ARHGAP6: variants seen among roughly 807,000 people sequenced by gnomAD.
The protein encoded by ARHGAP6 is Rho GTPase activating protein 6.
ARHGAP6 carries 16 observed loss-of-function variants against 55.7 expected under a neutral mutation model. The observed-to-expected ratio is 0.29, with a 90% CI of 0.19 to 0.44. ARHGAP6 has a LOEUF of 0.44. Among genes scored for constraint, ARHGAP6 ranks in the 20% least tolerant of loss-of-function variants. The pLI is 1.00. For missense variants in ARHGAP6, 698 were observed against 808.9 expected, an observed-to-expected ratio of 0.86 and a Z score of 1.66; for synonymous variants, 382 against 360.9, an observed-to-expected ratio of 1.06 and a Z score of -0.66.
intron 9 of ARHGAP6, among the ~76,000 whole-genome samples, chrX:11,167,744 G>A (rs2046035730): frequency 8.9e-6 from 1 of 112,056 alleles, no homozygotes; most frequent in Non-Finnish European, 1.9e-5. Flanking sequence ...AAAAAATCCA[G>A]AGAACATGAA....
At chrX:11,309,118 T>C (rs1603053821) in intron 1 of ARHGAP6, among the ~76,000 whole-genome samples, 1 of 112,059 alleles carries the variant, frequency 8.9e-6, no homozygotes, top group East Asian at 2.8e-4. Context: ...TGTTCACCTT[T>C]TCCAGATGCT....
At chrX:11,443,970 T>C (rs1444215953) in intron 1 of ARHGAP6, among the ~76,000 whole-genome samples, 1 of 111,975 alleles carries the variant, frequency 8.9e-6, no homozygotes, top group Admixed American at 9.4e-5. Context: ...AAAAAAAATA[T>C]TTCCTGGTGA....
chrX:11,632,162 T>C (rs2052368198), intron 1 of ARHGAP6, among the ~76,000 whole-genome samples: 1 of 112,626 alleles, frequency 8.9e-6, no homozygotes, highest in African/African-American at 3.2e-5. Flanking sequence ...TAGTGAAATT[T>C]GTGAATACTT....
intron 1 of ARHGAP6, among the ~76,000 whole-genome samples, chrX:11,609,355 C>T (rs2147151376): frequency 8.9e-6 from 1 of 111,828 alleles, no homozygotes; most frequent in African/African-American, 3.3e-5. Context: ...TCTTGTAAAG[C>T]ACTCTCTGAG....
chrX:11,279,865 G>C (rs2047831921), intron 1 of ARHGAP6, among the ~76,000 whole-genome samples: 1 of 111,366 alleles, frequency 9.0e-6, no homozygotes, highest in Non-Finnish European at 1.9e-5. Flanking sequence ...CTTTGTCCTA[G>C]GTCACATAAA....
At chrX:11,414,311 T>C (rs1455340661) in intron 1 of ARHGAP6, among the ~76,000 whole-genome samples, 1 of 112,324 alleles carries the variant, frequency 8.9e-6, no homozygotes, top group African/African-American at 3.2e-5. Context: ...TAAAACTTTA[T>C]TTATGAACAC....
At chrX:11,538,331 T>A (rs1390159939) in intron 1 of ARHGAP6, among the ~76,000 whole-genome samples, 1 of 112,249 alleles carries the variant, frequency 8.9e-6, no homozygotes, top group African/African-American at 3.2e-5. Flanking sequence ...TCATGTTTCA[T>A]GTGCCCACAC....
At chrX:11,448,093 A>G (rs958155192) in intron 1 of ARHGAP6, among the ~76,000 whole-genome samples, 3 of 112,150 alleles carry the variant, frequency 2.7e-5, no homozygotes, top group African/African-American at 9.7e-5. Context: ...TTTCCACCTC[A>G]ATTGGAACAG....
chrX:11,663,187 C>T (rs4363377), intron 1 of ARHGAP6, among the ~76,000 whole-genome samples: 3,369 of 112,365 alleles, frequency 0.03, 50 homozygotes, highest in African/African-American at 0.049. Context: ...TAACAGTTAT[C>T]TCACATTAAC....
rs777525748 is a variant in ARHGAP6 at position 11,424,909 on chromosome X, G to A, written c.589-170202C>T. Among the ~76,000 whole-genome samples the A allele has an allele frequency of 2.7e-5, 3 of 112,447 alleles. No individual in the cohort carries two copies. The South Asian group carries it at 1.1e-3, about 42-fold the overall frequency. Reference sequence around the variant, plus strand: ...GTTTATGTAAATGGAGGATGTTCTTGTCTAGTTAATTGCATTTTGCTCTCT... The same window carrying A: ...GTTTATGTAAATGGAGGATGTTCTTATCTAGTTAATTGCATTTTGCTCTCT... On this transcript the variant is annotated intron_variant, in intron 1 of 12. Coordinates refer to ENST00000337414, the MANE Select transcript of ARHGAP6 (RefSeq NM_013427.3).
At chrX:11,354,862 T>A (rs1232315049) in intron 1 of ARHGAP6, among the ~76,000 whole-genome samples, 2 of 111,669 alleles carry the variant, frequency 1.8e-5, no homozygotes, top group Non-Finnish European at 3.8e-5. Flanking sequence ...GGGCAGTGAT[T>A]ATCAAATTTT....
chrX:11,299,941 C>A (rs903998363), intron 1 of ARHGAP6, among the ~76,000 whole-genome samples: 1 of 111,480 alleles, frequency 9.0e-6, no homozygotes, highest in Admixed American at 9.5e-5. Flanking sequence ...AGTCTCTGTC[C>A]AATTATAAAT....
At chrX:11,246,744 C>T (rs1602953136) in intron 2 of ARHGAP6, among the ~76,000 whole-genome samples, 1 of 111,816 alleles carries the variant, frequency 8.9e-6, no homozygotes, top group East Asian at 2.8e-4. Context: ...CTCATTATTC[C>T]GTGATCATCC....
intron 1 of ARHGAP6, among the ~76,000 whole-genome samples, chrX:11,266,913 T>TCTG (rs59995388): frequency 0.15 from 16,589 of 110,723 alleles, 1,019 homozygotes; most frequent in Middle Eastern, 0.25. Context: ...ACACATAGCC[T>TCTG]CTGCTGCTGC....
intron 1 of ARHGAP6, among the ~76,000 whole-genome samples, chrX:11,349,248 C>T (rs2048826983): frequency 9.0e-6 from 1 of 111,220 alleles, no homozygotes; most frequent in African/African-American, 3.3e-5. Context: ...AGAAGCACTC[C>T]CCAATTTCCC....
intron 2 of ARHGAP6, among the ~76,000 whole-genome samples, chrX:11,242,087 G>A (rs2047289985): frequency 8.9e-6 from 1 of 111,911 alleles, no homozygotes; most frequent in Admixed American, 9.4e-5. Flanking sequence ...ATTCTGTTTT[G>A]TGTAAATTAT....
chrX:11,468,000 A>G (rs865959392), intron 1 of ARHGAP6, among the ~76,000 whole-genome samples: 5 of 97,552 alleles, frequency 5.1e-5, no homozygotes, highest in African/African-American at 1.2e-4. Flanking sequence ...ATGAATAAAT[A>G]AATAAATAAA....
chrX:11,604,856 C>T (rs1268255273), intron 1 of ARHGAP6, among the ~76,000 whole-genome samples: 1 of 112,075 alleles, frequency 8.9e-6, no homozygotes, highest in Non-Finnish European at 1.9e-5. Flanking sequence ...GCTTGACCTT[C>T]ATATCCCTAA....
At chrX:11,297,370 C>A (rs1480288044) in intron 1 of ARHGAP6, among the ~76,000 whole-genome samples, 1 of 111,611 alleles carries the variant, frequency 9.0e-6, no homozygotes, top group Non-Finnish European at 1.9e-5. Flanking sequence ...TGATTTTGGG[C>A]AAATCATTTC....
Sources: allele counts gnomAD v4.1 joint callset (sites outside exome capture counted in the v4.1 genomes callset), GRCh38; gene constraint gnomAD v4.1.1; transcripts MANE v1.5; gene names NCBI Gene and HGNC (gene_info 2026-07-23, HGNC 2026-07-21).